Variants in RAMP3 observed in about 807,000 individuals in gnomAD.
RAMP3 encodes receptor activity-modifying protein 3.
A neutral mutation model predicts 13.5 loss-of-function variants in RAMP3; 14 were observed. The observed-to-expected ratio is 1.04, with a 90% CI of 0.69 to 1.63. The LOEUF is 1.63. RAMP3 is among the 40% of genes most tolerant of loss of function. RAMP3 has a pLI of 0.00. For synonymous variants in RAMP3, 106 were observed against 88.3 expected, an observed-to-expected ratio of 1.20 and a Z score of -1.12; for missense variants, 200 against 204.8, an observed-to-expected ratio of 0.98 and a Z score of 0.14.
intron 2 of RAMP3, among the ~76,000 whole-genome samples, chr7:45,177,862 T>G (rs1786225300): frequency 6.6e-6 from 1 of 152,260 alleles, no homozygotes; most frequent in Non-Finnish European, 1.5e-5. Flanking sequence ...TCCCCATGCC[T>G]GCTTTTCCTC....
At chr7:45,181,040 C>A (rs1786301205) in intron 2 of RAMP3, among the ~76,000 whole-genome samples, 1 of 152,246 alleles carries the variant, frequency 6.6e-6, no homozygotes. Context: ...GGTGGGCTCA[C>A]CCCATGACCT....
intron 1 of RAMP3, among the ~76,000 whole-genome samples, chr7:45,162,208 T>C (rs3779396): frequency 0.27 from 40,740 of 152,126 alleles, 6,560 homozygotes; most frequent in African/African-American, 0.45. Context: ...GCCTCCATCG[T>C]CCCATCTCTA....
intron 1 of RAMP3, among the ~76,000 whole-genome samples, chr7:45,162,752 C>T (rs193115496): frequency 1.5e-3 from 221 of 152,206 alleles, no homozygotes; most frequent in South Asian, 4.2e-3. Flanking sequence ...CAAGGGTCTG[C>T]CAGGTAGGTG....
chr7:45,173,684 T>TG (rs11398389), intron 1 of RAMP3, among the ~76,000 whole-genome samples: 152,286 of 152,286 alleles, frequency 1, 76,143 homozygotes, highest in Non-Finnish European at 1. Context: ...GACTGCCCAC[T>TG]GGGGAAAGCT....
rs202162694 is a variant in RAMP3, at chr7:45,166,958, C to CTTTTTTTTTTTTTTTTT, written c.58+9073_58+9089dup. ...TAGCTCTACATGTAGGTCTTTGATG[C>CTTTTTTTTTTTTTTTTT]TTTTTTTTTTTTTTTTTGAGACAGA... On this transcript the variant is annotated intron_variant, in intron 1 of 2. Coordinates refer to ENST00000242249, the MANE Select transcript of RAMP3 (RefSeq NM_005856.3). 3.0e-4 allele frequency among the ~76,000 whole-genome samples: 30 copies of CTTTTTTTTTTTTTTTTT among 101,236 alleles called. 2 individuals are homozygous for CTTTTTTTTTTTTTTTTT. Among genetic ancestry groups the CTTTTTTTTTTTTTTTTT allele is most frequent in the Middle Eastern group, 6.8e-3 (1 of 148 alleles). 66.4% of individuals were successfully genotyped at this position (101,236 alleles called of 152,430 possible). A position where few individuals can be genotyped will look rare whatever the true frequency, so the allele number is the denominator to read the frequency against.
chr7:45,179,170 C>T (rs752922943), intron 2 of RAMP3, among the ~76,000 whole-genome samples: 20 of 152,134 alleles, frequency 1.3e-4, no homozygotes, highest in East Asian at 1.9e-4. Context: ...GCGGCTGATA[C>T]GCATTATCTT....
At chr7:45,166,874 C>G (rs1456944945) in intron 1 of RAMP3, among the ~76,000 whole-genome samples, 1 of 151,284 alleles carries the variant, frequency 6.6e-6, no homozygotes, top group Non-Finnish European at 1.5e-5. Context: ...CTCCCAGGTT[C>G]AAGCTATTCT....
chr7:45,163,969 A>G (rs1785912902), intron 1 of RAMP3: 1 of 856,548 alleles, frequency 1.2e-6, no homozygotes, highest in Non-Finnish European at 1.4e-6. Context: ...TAAGTGGGAG[A>G]GTACTGTGGC....
chr7:45,171,685 T>C (rs1431435391), intron 1 of RAMP3, among the ~76,000 whole-genome samples: 3 of 152,106 alleles, frequency 2.0e-5, no homozygotes, highest in Non-Finnish European at 4.4e-5. Context: ...TGGCTCACTG[T>C]AGCCTCAGAC....
At chr7:45,157,926 C>T in intron 1 of RAMP3, 40 bp downstream of exon 1, 1 of 1,339,294 alleles carries the variant, frequency 7.5e-7, no homozygotes, top group Non-Finnish European at 9.5e-7. Context: ...GCCCCCACTC[C>T]TCGGGGTTCA....
At chr7:45,160,838 A>G (rs1295569218) in intron 1 of RAMP3, among the ~76,000 whole-genome samples, 1 of 152,248 alleles carries the variant, frequency 6.6e-6, no homozygotes, top group Non-Finnish European at 1.5e-5. Flanking sequence ...TAATGCAGCC[A>G]GTAGCTTGAT....
chr7:45,160,639 G>A (rs897892482), intron 1 of RAMP3, among the ~76,000 whole-genome samples: 2 of 152,072 alleles, frequency 1.3e-5, no homozygotes, highest in South Asian at 2.1e-4. Flanking sequence ...GAGCGCCTGT[G>A]TTTCATTTCC....
chr7:45,158,485 A>C (rs1314537971), intron 1 of RAMP3, among the ~76,000 whole-genome samples: 1 of 152,228 alleles, frequency 6.6e-6, no homozygotes, highest in Non-Finnish European at 1.5e-5. Flanking sequence ...TCTAGGAAGA[A>C]CCATTGCTCA....
intron 1 of RAMP3, among the ~76,000 whole-genome samples, chr7:45,160,219 C>T (rs569575943): frequency 2.6e-5 from 4 of 151,388 alleles, no homozygotes; most frequent in Non-Finnish European, 5.9e-5. Context: ...GTAGTCTCAG[C>T]TACTCAGGAG....
intron 1 of RAMP3, among the ~76,000 whole-genome samples, chr7:45,173,138 C>T (rs1202017383): frequency 1.3e-5 from 2 of 152,184 alleles, no homozygotes; most frequent in African/African-American, 4.8e-5. Context: ...CTCTGGGTTC[C>T]ACTCCATCTA....
intron 2 of RAMP3, among the ~76,000 whole-genome samples, chr7:45,181,356 G>T (rs539200340): frequency 6.6e-6 from 1 of 152,346 alleles, no homozygotes; most frequent in East Asian, 1.9e-4. Flanking sequence ...GGGAACAGCA[G>T]GGGCTTTCAG....
intron 1 of RAMP3, 114 bp from the exon 2 acceptor site, chr7:45,177,195 C>A: frequency 7.2e-7 from 1 of 1,396,470 alleles, no homozygotes. Context: ...CGGTCTCAGG[C>A]TTGCAAACGG....
chr7:45,161,278 G>A (rs1785860958), intron 1 of RAMP3, among the ~76,000 whole-genome samples: 1 of 151,916 alleles, frequency 6.6e-6, no homozygotes, highest in Non-Finnish European at 1.5e-5. Context: ...TATTTGTAGA[G>A]CCGTGGGGGA....
intron 1 of RAMP3, among the ~76,000 whole-genome samples, chr7:45,168,117 C>T (rs998048096): frequency 6.6e-6 from 1 of 151,714 alleles, no homozygotes; most frequent in Non-Finnish European, 1.5e-5. Context: ...TTTCTTTCAA[C>T]AGGCCTGGCA....
Sources: gnomAD v4.1 joint callset for allele counts (sites outside exome capture counted in the v4.1 genomes callset) on GRCh38, gnomAD v4.1.1 for gene constraint, MANE v1.5 for transcripts, NCBI Gene and HGNC (gene_info 2026-07-23, HGNC 2026-07-21) for gene names.